LYPLAL1: variants seen among roughly 807,000 people sequenced by gnomAD.
LYPLAL1 encodes the protein lysophospholipase like 1.
LYPLAL1 carries 23 observed loss-of-function variants against 19.7 expected under a neutral mutation model. That is an observed-to-expected ratio of 1.17 (90% confidence interval 0.84 to 1.65). LYPLAL1 has a LOEUF of 1.65. Among genes scored for constraint, LYPLAL1 ranks in the 40% most tolerant of loss-of-function variants. The pLI is 0.00. For missense variants in LYPLAL1, 355 were observed against 279.4 expected (o/e 1.27, Z -1.93); for synonymous variants, 119 against 96.3 (o/e 1.24, Z -1.38).
chr1:219,196,782 A>G (rs1009939129), intron 3 of LYPLAL1, among the ~76,000 whole-genome samples: 1 of 152,200 alleles, frequency 6.6e-6, no homozygotes, highest in Non-Finnish European at 1.5e-5. Context: ...TCTTAAGTGG[A>G]TAAGCAACTT....
chr1:219,245,590 C>A, the LYPLAL1 span, among the ~76,000 whole-genome samples: 4 of 152,092 alleles, frequency 2.6e-5, no homozygotes, highest in African/African-American at 9.7e-5. Context: ...TAATCATGTC[C>A]TGCAGATTTG....
chr1:219,358,666 C>A, the LYPLAL1 span, among the ~76,000 whole-genome samples: 1 of 152,152 alleles, frequency 6.6e-6, no homozygotes, highest in Non-Finnish European at 1.5e-5. Context: ...CATTCACTAT[C>A]AGGAGAACAG....
the LYPLAL1 span, among the ~76,000 whole-genome samples, chr1:219,422,833 A>AT: frequency 6.6e-6 from 1 of 152,148 alleles, no homozygotes; most frequent in Admixed American, 6.6e-5. Context: ...GGAGTTACAG[A>AT]CCTATGAAAA....
chr1:219,395,964 A>G, the LYPLAL1 span, among the ~76,000 whole-genome samples: 6 of 151,952 alleles, frequency 3.9e-5, no homozygotes, highest in Non-Finnish European at 8.8e-5. Flanking sequence ...TTAGCCGGGC[A>G]TGGTGGCGGG....
chr1:219,432,604 A>G, the LYPLAL1 span, among the ~76,000 whole-genome samples: 3 of 152,154 alleles, frequency 2.0e-5, no homozygotes, highest in Non-Finnish European at 2.9e-5. Context: ...AGTGGACACG[A>G]TGGCATTCAG....
chr1:219,174,077 C>G, intron 1 of LYPLAL1, 96 bp downstream of exon 1: 1 of 1,551,824 alleles, frequency 6.4e-7, no homozygotes, highest in African/African-American at 1.4e-5. Flanking sequence ...TCGCCGGGCC[C>G]AAATAGGGCC....
chr1:219,338,962 C>A, the LYPLAL1 span, among the ~76,000 whole-genome samples: 1 of 151,862 alleles, frequency 6.6e-6, no homozygotes, highest in Non-Finnish European at 1.5e-5. Flanking sequence ...TAGATCAGAT[C>A]AAATGCCTAG....
the LYPLAL1 span, among the ~76,000 whole-genome samples, chr1:219,266,067 GTTAAT>G: frequency 6.6e-6 from 1 of 152,014 alleles, no homozygotes; most frequent in Non-Finnish European, 1.5e-5. Context: ...GCTATATTAA[GTTAAT>G]TTAAATTTTT....
chr1:219,308,541 G>A, the LYPLAL1 span, among the ~76,000 whole-genome samples: 1 of 152,192 alleles, frequency 6.6e-6, no homozygotes, highest in Non-Finnish European at 1.5e-5. Context: ...GGGCCCCCAT[G>A]CTGTGTGCAG....
At chr1:219,361,176 T>G in the LYPLAL1 span, among the ~76,000 whole-genome samples, 1 of 152,184 alleles carries the variant, frequency 6.6e-6, no homozygotes. Flanking sequence ...TTGCACAGGT[T>G]AACAGAACAA....
the LYPLAL1 span, among the ~76,000 whole-genome samples, chr1:219,357,953 G>A: frequency 1.3e-5 from 2 of 152,138 alleles, no homozygotes; most frequent in Non-Finnish European, 2.9e-5. Flanking sequence ...CATATTATAT[G>A]TTCTTTTTAT....
chr1:219,190,862 TCTCA>T (rs1427299731), intron 2 of LYPLAL1, among the ~76,000 whole-genome samples: 1 of 151,548 alleles, frequency 6.6e-6, no homozygotes, highest in Non-Finnish European at 1.5e-5. Flanking sequence ...ATGTTGATAG[TCTCA>T]CTCAGTAGTT....
chr1:219,352,273 G>C, the LYPLAL1 span, among the ~76,000 whole-genome samples: 2 of 152,172 alleles, frequency 1.3e-5, no homozygotes, highest in African/African-American at 2.4e-5. Flanking sequence ...GCTCACGCCT[G>C]TAATCCCAGC....
At chr1:219,183,793 A>G (rs1377825347) in intron 2 of LYPLAL1, among the ~76,000 whole-genome samples, 1 of 151,946 alleles carries the variant, frequency 6.6e-6, no homozygotes, top group Non-Finnish European at 1.5e-5. Flanking sequence ...AGTAGGTATT[A>G]TATAAATATA....
the LYPLAL1 span, among the ~76,000 whole-genome samples, chr1:219,389,175 C>A: frequency 1.3e-5 from 2 of 152,212 alleles, no homozygotes; most frequent in East Asian, 3.9e-4. Flanking sequence ...ATAATTCAGA[C>A]ATGCAGGAAA....
the LYPLAL1 span, among the ~76,000 whole-genome samples, chr1:219,395,484 T>A: frequency 6.6e-6 from 1 of 152,170 alleles, no homozygotes; most frequent in Non-Finnish European, 1.5e-5. Flanking sequence ...TTTTCTCTTG[T>A]ATATTTAAGT....
At chr1:219,396,688 C>A in the LYPLAL1 span, among the ~76,000 whole-genome samples, 2 of 152,042 alleles carry the variant, frequency 1.3e-5, no homozygotes, top group Non-Finnish European at 2.9e-5. Flanking sequence ...GTATGTGTGG[C>A]AATTTTGAAT....
the LYPLAL1 span, among the ~76,000 whole-genome samples, chr1:219,316,651 T>C: frequency 1.3e-5 from 2 of 152,168 alleles, no homozygotes; most frequent in East Asian, 1.9e-4. Context: ...CATGTGTCCA[T>C]TGATGGTCAA....
the LYPLAL1 span, chr1:219,442,504 T>A: frequency 6.6e-6 from 1 of 152,166 alleles, no homozygotes; most frequent in East Asian, 1.9e-4. Flanking sequence ...GAACTTTCAT[T>A]GTCCAATAAA....
Sources: allele counts gnomAD v4.1 joint callset (sites outside exome capture counted in the v4.1 genomes callset), GRCh38; gene constraint gnomAD v4.1.1; transcripts MANE v1.5; gene names NCBI Gene and HGNC (gene_info 2026-07-23, HGNC 2026-07-21).